Variants in GDAP1 observed in about 807,000 individuals in gnomAD.
GDAP1 encodes ganglioside induced differentiation associated protein 1.
Under a neutral mutation model 40.1 loss-of-function variants are expected in GDAP1, and 34 were observed. The observed-to-expected ratio is 0.85, with a 90% confidence interval of 0.64 to 1.13. GDAP1 has a LOEUF of 1.13. Ranked by LOEUF, GDAP1 falls within the 50% of genes most tolerant of loss-of-function variation. The pLI, the probability that GDAP1 is intolerant of heterozygous loss-of-function variation, is 0.00. For missense variants in GDAP1, 374 were observed against 433.7 expected (o/e 0.86, Z 1.22); for synonymous variants, 170 against 157.4 (o/e 1.08, Z -0.60).
intron 2 of GDAP1, among the ~76,000 whole-genome samples, chr8:74,465,777 G>GTT (rs34707830): frequency 2.1e-5 from 3 of 145,352 alleles, no homozygotes; most frequent in Admixed American, 6.8e-5. Flanking sequence ...ATCACACCAA[G>GTT]TTTTTTTTTT....
intron 2 of GDAP1, among the ~76,000 whole-genome samples, chr8:74,394,313 G>A (rs911002821): frequency 6.6e-6 from 1 of 152,170 alleles, no homozygotes; most frequent in Non-Finnish European, 1.5e-5. Context: ...CATGACACGT[G>A]GAAATTGTGG....
chr8:74,422,926 A>C (rs942703494), intron 2 of GDAP1, among the ~76,000 whole-genome samples: 1 of 151,528 alleles, frequency 6.6e-6, no homozygotes, highest in Non-Finnish European at 1.5e-5. Context: ...ACATGTATAT[A>C]TATAATGAGA....
chr8:74,416,301 C>G (rs1805777571), intron 2 of GDAP1, among the ~76,000 whole-genome samples: 1 of 150,134 alleles, frequency 6.7e-6, no homozygotes, highest in African/African-American at 2.5e-5. Flanking sequence ...TGGCTCTGCT[C>G]ATTGCCTGAG....
In GDAP1 at chr8:74,416,906, T is replaced by G. The variant is rs577498553; in HGVS notation, c.165+65585T>G. On this transcript the variant is annotated intron_variant, in intron 2 of 2. Transcript: ENST00000523640. ...AGCACTTTCCACTTATGAAAAGTTT[T>G]TTTTTTTGTTTTTTTGTTTTTTGTT... Among the ~76,000 whole-genome samples, 49 of 139,400 alleles carry G rather than the reference T, an allele frequency of 3.5e-4. 5 individuals carry two copies. In the East Asian group the frequency reaches 5.6e-3, roughly 16 times the overall value. The allele number at this position is 139,400 out of a possible 152,430, so 91.5% of individuals were successfully genotyped here.
At chr8:74,416,342 G>C (rs1805778611) in intron 2 of GDAP1, among the ~76,000 whole-genome samples, 1 of 150,064 alleles carries the variant, frequency 6.7e-6, no homozygotes, top group Non-Finnish European at 1.5e-5. Context: ...GGTAACATGA[G>C]GCATGCACAA....
intron 2 of GDAP1, among the ~76,000 whole-genome samples, chr8:74,482,217 A>C (rs984479747): frequency 5.3e-5 from 8 of 151,896 alleles, no homozygotes; most frequent in African/African-American, 1.9e-4. Context: ...GCAGCATCAA[A>C]CCTATGGAGT....
At chr8:74,462,523 C>T (rs1422383297) in intron 2 of GDAP1, among the ~76,000 whole-genome samples, 2 of 152,124 alleles carry the variant, frequency 1.3e-5, no homozygotes, top group Admixed American at 6.5e-5. Flanking sequence ...AAGTTAGAGA[C>T]TATTGGGCAG....
chr8:74,428,633 AT>A (rs1195348725), intron 2 of GDAP1, among the ~76,000 whole-genome samples: 4 of 42,844 alleles, frequency 9.3e-5, no homozygotes, highest in African/African-American at 3.0e-4. Flanking sequence ...CACCCGGCTA[AT>A]TTTTTTTTTT....
chr8:74,427,222 G>A lies in GDAP1; in HGVS notation c.166-61456G>A, dbSNP rs181357516. ...AGAATCAACTTCCAGATGGGTGAAC[G>A]AGGCCGTGTGATGCCAGTGCGTCCT... On this transcript the variant is annotated intron_variant, in intron 2 of 2. Transcript: ENST00000523640. Among the ~76,000 whole-genome samples the A allele has an allele frequency of 3.2e-4, 49 of 152,282 alleles. No homozygotes were observed. The East Asian group carries it at 4.0e-3, about 13-fold the overall frequency.
chr8:74,356,233 C>G (rs1180311323), intron 2 of GDAP1, among the ~76,000 whole-genome samples: 2 of 151,978 alleles, frequency 1.3e-5, no homozygotes, highest in Non-Finnish European at 2.9e-5. Flanking sequence ...TAAAAAGTAA[C>G]TTTTCTTCTC....
chr8:74,411,523 A>G (rs985821625), intron 2 of GDAP1, among the ~76,000 whole-genome samples: 1 of 117,282 alleles, frequency 8.5e-6, no homozygotes, highest in Non-Finnish European at 1.8e-5. Context: ...TTTATTAAGC[A>G]AATATATATA....
At chr8:74,411,678 T>C (rs1335626330) in intron 2 of GDAP1, among the ~76,000 whole-genome samples, 3 of 147,176 alleles carry the variant, frequency 2.0e-5, no homozygotes, top group Admixed American at 1.3e-4. Context: ...ACCCAGGAGT[T>C]TGAAACCAGC....
At position 74,422,328 on chromosome 8, in the gene GDAP1, T is replaced by TC. The variant is rs1563465348; in HGVS notation, c.166-66349dup. Among the ~76,000 whole-genome samples, 48 of 68,452 alleles carry TC rather than the reference T, an allele frequency of 7.0e-4. 3 individuals are homozygous for TC. The highest frequency in any genetic ancestry group is 3.1e-3 in the African/African-American group (41 of 13,114). 44.9% of individuals were successfully genotyped at this position (68,452 alleles called of 152,430 possible). ...TTCTTTCTTTCTTTCTTTCTTTCTT[T>TC]CTTTCTTTCTTTCTTTCTTTCTTCC... On this transcript the variant is annotated intron_variant, in intron 2 of 2. Transcript: ENST00000523640.
chr8:74,418,542 T>C (rs1805813913), intron 2 of GDAP1, among the ~76,000 whole-genome samples: 1 of 152,208 alleles, frequency 6.6e-6, no homozygotes, highest in South Asian at 2.1e-4. Context: ...TTACTTCACA[T>C]ATATAGATGA....
At chr8:74,431,640 C>T (rs1309616996) in intron 2 of GDAP1, among the ~76,000 whole-genome samples, 1 of 152,034 alleles carries the variant, frequency 6.6e-6, no homozygotes, top group African/African-American at 2.4e-5. Flanking sequence ...CGCCACTGCA[C>T]CCGGCTAATT....
rs577300922 is a variant in GDAP1, at chr8:74,470,863, C to T, written c.166-17815C>T. Among the ~76,000 whole-genome samples the T allele has an allele frequency of 6.1e-3, 924 of 152,282 alleles. 6 individuals carry two copies. The highest frequency in any genetic ancestry group is 0.021 in the African/African-American group (891 of 41,544). On this transcript the variant is annotated intron_variant, in intron 2 of 2. Coordinates refer to the GDAP1 transcript ENST00000523640. ...CACAATGGTTGAACTAGTTTACAGT[C>T]CCACCAACAGTGTAAAAGTGTTCCT...
At chr8:74,455,721 G>A (rs778914587) in intron 2 of GDAP1, among the ~76,000 whole-genome samples, 1 of 151,620 alleles carries the variant, frequency 6.6e-6, no homozygotes, top group East Asian at 1.9e-4. Flanking sequence ...GATATTTCTT[G>A]CTTGACAACT....
chr8:74,440,094 A>G (rs941736251), intron 2 of GDAP1, among the ~76,000 whole-genome samples: 20 of 152,040 alleles, frequency 1.3e-4, no homozygotes, highest in African/African-American at 4.1e-4. Flanking sequence ...TTTGATTGTA[A>G]ACTCCTTTTC....
At chr8:74,352,472 C>G (rs1415348104) in intron 2 of GDAP1, among the ~76,000 whole-genome samples, 1 of 152,146 alleles carries the variant, frequency 6.6e-6, no homozygotes, top group South Asian at 2.1e-4. Context: ...AAGGAAATTA[C>G]TAGGACAAAA....
Sources: allele counts gnomAD v4.1 joint callset (sites outside exome capture counted in the v4.1 genomes callset), GRCh38; gene constraint gnomAD v4.1.1; transcripts MANE v1.5; gene names NCBI Gene and HGNC (gene_info 2026-07-23, HGNC 2026-07-21).